Variants in KCNAB1 observed in about 807,000 individuals in gnomAD.
KCNAB1 encodes the protein voltage-gated potassium channel subunit beta-1.
KCNAB1 carries 35 observed loss-of-function variants against 64.6 expected under a neutral mutation model. That is an observed-to-expected ratio of 0.54 (90% confidence interval 0.41 to 0.72). The LOEUF is 0.72. Among genes scored for constraint, KCNAB1 ranks in the 30% least tolerant of loss-of-function variants. The pLI is 0.00. For missense variants in KCNAB1, 401 were observed against 512.9 expected, an observed-to-expected ratio of 0.78 and a Z score of 2.11; for synonymous variants, 177 against 183.8, an observed-to-expected ratio of 0.96 and a Z score of 0.30.
upstream of KCNAB1, among the ~76,000 whole-genome samples, chr3:156,119,433 C>T (rs1392572412): frequency 2.0e-5 from 3 of 152,202 alleles, no homozygotes; most frequent in Non-Finnish European, 4.4e-5. Flanking sequence ...GCTAACTGCA[C>T]TTTCCTATCT....
chr3:156,402,175 A>G (rs1191382698), intron 1 of KCNAB1, among the ~76,000 whole-genome samples: 1 of 152,102 alleles, frequency 6.6e-6, no homozygotes, highest in Non-Finnish European at 1.5e-5. Flanking sequence ...GAGAAAAGAA[A>G]AGAAAAAGTG....
chr3:156,155,777 A>G (rs1316265586), intron 1 of KCNAB1, among the ~76,000 whole-genome samples: 3 of 152,214 alleles, frequency 2.0e-5, no homozygotes, highest in Non-Finnish European at 2.9e-5. Flanking sequence ...GTGATTCACT[A>G]GAAGGACTCA....
intron 1 of KCNAB1, among the ~76,000 whole-genome samples, chr3:156,389,848 G>GT (rs1364993914): frequency 6.6e-6 from 1 of 152,164 alleles, no homozygotes; most frequent in African/African-American, 2.4e-5. Flanking sequence ...TCTACCACTT[G>GT]TTTTTGTAAA....
chr3:156,316,108 G>A (rs1722254696), intron 1 of KCNAB1, among the ~76,000 whole-genome samples: 1 of 152,200 alleles, frequency 6.6e-6, no homozygotes, highest in Non-Finnish European at 1.5e-5. Flanking sequence ...TCCTTTTAAG[G>A]TTGTTTCACA....
At chr3:156,472,819 G>A (rs893295890) in intron 7 of KCNAB1, among the ~76,000 whole-genome samples, 6 of 152,080 alleles carry the variant, frequency 3.9e-5, no homozygotes, top group Non-Finnish European at 7.4e-5. Context: ...TTTAAACCCC[G>A]AGAGCCTGGC....
chr3:156,225,407 G>A (rs1716088343), intron 1 of KCNAB1, among the ~76,000 whole-genome samples: 1 of 152,154 alleles, frequency 6.6e-6, no homozygotes, highest in East Asian at 1.9e-4. Context: ...AATCGGCATA[G>A]AAGGGACAAA....
intron 1 of KCNAB1, among the ~76,000 whole-genome samples, chr3:156,398,248 G>A (rs1012698305): frequency 6.6e-6 from 1 of 152,122 alleles, no homozygotes; most frequent in Non-Finnish European, 1.5e-5. Context: ...GGTGGGAAAA[G>A]GGGAGGGAAA....
intron 8 of KCNAB1, among the ~76,000 whole-genome samples, chr3:156,480,419 C>T (rs759904560): frequency 6.6e-6 from 1 of 151,758 alleles, no homozygotes; most frequent in Non-Finnish European, 1.5e-5. Flanking sequence ...AGGATAAATA[C>T]CTAATTCATG....
intron 1 of KCNAB1, among the ~76,000 whole-genome samples, chr3:156,406,678 G>T (rs1471967461): frequency 1.3e-5 from 2 of 152,164 alleles, no homozygotes; most frequent in African/African-American, 4.8e-5. Context: ...ACATTTTAGT[G>T]AGAATTGGTT....
intron 1 of KCNAB1, among the ~76,000 whole-genome samples, chr3:156,347,791 G>T (rs1724581026): frequency 1.3e-5 from 2 of 152,174 alleles, no homozygotes. Context: ...ACTCATCTTT[G>T]TGTACTTCAA....
chr3:156,242,724 C>T (rs1195161771), intron 1 of KCNAB1, among the ~76,000 whole-genome samples: 1 of 150,824 alleles, frequency 6.6e-6, no homozygotes, highest in African/African-American at 2.4e-5. Flanking sequence ...CTAAATAAAC[C>T]AGTGATTCCA....
intron 1 of KCNAB1, among the ~76,000 whole-genome samples, chr3:156,226,534 T>C (rs1716185696): frequency 2.0e-5 from 3 of 151,906 alleles, no homozygotes. Context: ...CAAAAGCAAA[T>C]GCACCAAAAA....
At chr3:156,381,240 T>C (rs1182244410) in intron 1 of KCNAB1, among the ~76,000 whole-genome samples, 1 of 152,176 alleles carries the variant, frequency 6.6e-6, no homozygotes, top group East Asian at 1.9e-4. Context: ...TAGGTGGTGA[T>C]ATCTGAACTG....
intron 1 of KCNAB1, chr3:156,292,155 G>T (rs755293695): frequency 5.0e-6 from 8 of 1,611,010 alleles, no homozygotes; most frequent in Non-Finnish European, 6.8e-6. Context: ...CCCTCTGTGC[G>T]GGGTATCCAG....
intron 1 of KCNAB1, among the ~76,000 whole-genome samples, chr3:156,287,349 CAAAA>C (rs1159352986): frequency 1.3e-5 from 1 of 77,860 alleles, no homozygotes; most frequent in African/African-American, 4.2e-5. Context: ...ACCTCCGTAT[CAAAA>C]AAAAAAAAAA....
chr3:156,520,986 C>G (rs897500143), intron 11 of KCNAB1, among the ~76,000 whole-genome samples: 1 of 152,084 alleles, frequency 6.6e-6, no homozygotes, highest in African/African-American at 2.4e-5. Context: ...CTATTCTTAC[C>G]CCAATATCAA....
chr3:156,328,394 C>G (rs1329171639), intron 1 of KCNAB1, among the ~76,000 whole-genome samples: 1 of 152,144 alleles, frequency 6.6e-6, no homozygotes, highest in Non-Finnish European at 1.5e-5. Flanking sequence ...ATAAACACCT[C>G]TTACGGACAC....
intron 8 of KCNAB1, among the ~76,000 whole-genome samples, chr3:156,476,136 CTTTTT>C (rs67146818): frequency 1.3e-5 from 2 of 151,830 alleles, no homozygotes; most frequent in African/African-American, 4.8e-5. Flanking sequence ...TTATTCAACT[CTTTTT>C]TTTATTTTTT....
At chr3:156,379,719 G>A (rs895632886) in intron 1 of KCNAB1, among the ~76,000 whole-genome samples, 4 of 152,172 alleles carry the variant, frequency 2.6e-5, no homozygotes, top group South Asian at 4.1e-4. Flanking sequence ...CTTCACCAGC[G>A]GGTTTTGAGC....
Sources: gnomAD v4.1 joint callset for allele counts (sites outside exome capture counted in the v4.1 genomes callset) on GRCh38, gnomAD v4.1.1 for gene constraint, MANE v1.5 for transcripts, NCBI Gene and HGNC (gene_info 2026-07-23, HGNC 2026-07-21) for gene names.